The following CWH43 variants were observed in gnomAD, a reference collection of about 807,000 sequenced individuals.
CWH43 encodes cell wall biogenesis 43 C-terminal homolog.
CWH43 carries 91 observed loss-of-function variants against 85.7 expected under a neutral mutation model. The observed-to-expected ratio is 1.06, with a 90% confidence interval of 0.90 to 1.26. The LOEUF is 1.26. Among genes scored for constraint, CWH43 ranks in the 50% most tolerant of loss-of-function variants. CWH43 has a pLI of 0.00. For missense variants in CWH43, 869 were observed against 839.2 expected (o/e 1.04, Z -0.44); for synonymous variants, 323 against 293.6 (o/e 1.10, Z -1.02).
At chr4:49,048,850 CATT>C (rs1784710854) in intron 14 of CWH43, among the ~76,000 whole-genome samples, 1 of 152,130 alleles carries the variant, frequency 6.6e-6, no homozygotes, top group South Asian at 2.1e-4. Flanking sequence ...AAAATTCCCA[CATT>C]AATGAAGTTA....
chr4:49,028,188 T>C (rs182197627), intron 9 of CWH43, among the ~76,000 whole-genome samples: 2 of 152,226 alleles, frequency 1.3e-5, no homozygotes, highest in African/African-American at 2.4e-5. Context: ...ATCTGATGTA[T>C]CTATTTTGCA....
At chr4:49,049,787 A>G (rs1784739739) in intron 14 of CWH43, among the ~76,000 whole-genome samples, 1 of 152,152 alleles carries the variant, frequency 6.6e-6, no homozygotes, top group Non-Finnish European at 1.5e-5. Context: ...ACTTTATTGC[A>G]GAGGTATGCC....
rs1217542126 is a variant in CWH43, at chr4:49,017,253, G to A, written c.1191G>A (p.Leu397=). The change falls in exon 9 of 16, where the codon CTG becomes CTA. Residue 397 remains leucine, a synonymous_variant. Coordinates refer to ENST00000226432, the MANE Select transcript of CWH43 (RefSeq NM_025087.3). The part of the protein sequence containing the change: ...RKSEKYMKLF[L]WLLVGVGLLG... The stretch of plus-strand genomic sequence containing the variant: ...TTATTTCTTTTTTCTGTTTAGTTCT[G>A]TGGCTGCTTGTTGGTGTGGGATTGT... 1.2e-6 allele frequency: 2 copies of A among 1,609,826 alleles called. No individual in the cohort carries two copies. The highest frequency in any genetic ancestry group is 1.7e-6 in the Non-Finnish European group (2 of 1,177,938).
intron 8 of CWH43, among the ~76,000 whole-genome samples, chr4:49,015,276 T>G (rs1783510577): frequency 6.6e-6 from 1 of 151,958 alleles, no homozygotes; most frequent in Non-Finnish European, 1.5e-5. Context: ...TTTTTTTCCC[T>G]TATGCCCCTC....
In CWH43 at chr4:49,017,300, A is replaced by G; in HGVS notation, c.1238A>G (p.Lys413Arg). ...VGLLGLGLRH[K>R]AYERKLGKVA... ...TTGTTGGGATTAGGACTACGGCATA[A>G]AGCCTATGAGAGAAAACTGGGCAAA... Residue 413 changes from lysine to arginine, a missense_variant, in exon 9 of 16, where the codon AAA (lysine) becomes AGA (arginine). Lys to Arg is a conservative substitution (Grantham distance 26). This residue lies in a region of CWH43 where 577 missense variants were observed against 513.1 expected (regional missense o/e 1.12). Transcript: ENST00000226432. 1 of 1,612,242 alleles carries G rather than the reference A, an allele frequency of 6.2e-7. No individual in the cohort carries two copies.
At chr4:49,052,073 GA>G (rs887612016) in intron 15 of CWH43, among the ~76,000 whole-genome samples, 6 of 151,806 alleles carry the variant, frequency 4.0e-5, no homozygotes, top group Non-Finnish European at 8.8e-5. Context: ...TTTTTTGGGG[GA>G]AAAAAGAAAT....
intron 13 of CWH43, among the ~76,000 whole-genome samples, chr4:49,041,784 T>C (rs1356772653): frequency 2.0e-5 from 3 of 152,170 alleles, no homozygotes; most frequent in Non-Finnish European, 4.4e-5. Flanking sequence ...GTTAGCAGGA[T>C]AGAGGAAGGG....
chr4:49,054,172 T>C (rs2109845171), intron 15 of CWH43, among the ~76,000 whole-genome samples: 1 of 152,264 alleles, frequency 6.6e-6, no homozygotes, highest in African/African-American at 2.4e-5. Context: ...CTATTTTGAG[T>C]TGATTTTTGT....
chr4:49,009,308 T>A (rs1783273786), intron 8 of CWH43, among the ~76,000 whole-genome samples: 1 of 152,216 alleles, frequency 6.6e-6, no homozygotes, highest in Non-Finnish European at 1.5e-5. Context: ...ATGGTTGGGA[T>A]TTTTGCACAC....
intron 13 of CWH43, among the ~76,000 whole-genome samples, chr4:49,039,852 G>A (rs1185468070): frequency 1.3e-5 from 2 of 151,774 alleles, no homozygotes; most frequent in Middle Eastern, 3.4e-3. Flanking sequence ...CCATTAACTC[G>A]TCATTTAACA....
chr4:48,989,636 C>T (rs1329097990), intron 2 of CWH43, among the ~76,000 whole-genome samples: 2 of 152,148 alleles, frequency 1.3e-5, no homozygotes, highest in Non-Finnish European at 2.9e-5. Flanking sequence ...CTATGTTGCT[C>T]AGGCTGGTCT....
chr4:49,059,912 G>A (rs533901585), intron 15 of CWH43, among the ~76,000 whole-genome samples: 37 of 152,294 alleles, frequency 2.4e-4, no homozygotes, highest in Admixed American at 1.6e-3. Context: ...TGAACCTGGT[G>A]CCTGGATCCA....
intron 13 of CWH43, among the ~76,000 whole-genome samples, chr4:49,039,368 TGTATATATATAC>T (rs1325762707): frequency 3.5e-5 from 3 of 85,126 alleles, no homozygotes; most frequent in African/African-American, 1.0e-4. Flanking sequence ...TATATACTGA[TGTATATATATAC>T]TGATATATAT....
At chr4:48,991,757 G>C (rs1393720900) in intron 3 of CWH43, among the ~76,000 whole-genome samples, 179 bp from the exon 4 acceptor site, 1 of 152,018 alleles carries the variant, frequency 6.6e-6, no homozygotes, top group Non-Finnish European at 1.5e-5. Context: ...ATAAGGTTTT[G>C]AAAACTAAAG....
intron 2 of CWH43, among the ~76,000 whole-genome samples, chr4:48,988,913 GACACCTTAAAGA>G (rs1032500969): frequency 1.1e-4 from 16 of 152,284 alleles, no homozygotes; most frequent in African/African-American, 3.8e-4. Context: ...GTAGGGGAAA[GACACCTTAAAGA>G]ACTGATCAGC....
intron 9 of CWH43, among the ~76,000 whole-genome samples, chr4:49,022,883 C>A (rs1478205341): frequency 6.6e-6 from 1 of 151,974 alleles, no homozygotes; most frequent in Non-Finnish European, 1.5e-5. Flanking sequence ...TCTGTGGTAT[C>A]CGTTGTAGTA....
At chr4:48,989,394 C>A (rs755937423) in intron 2 of CWH43, among the ~76,000 whole-genome samples, 1 of 152,092 alleles carries the variant, frequency 6.6e-6, no homozygotes, top group Non-Finnish European at 1.5e-5. Context: ...ATTGGCACAA[C>A]CTCTATGAAG....
intron 9 of CWH43, among the ~76,000 whole-genome samples, chr4:49,019,442 C>T (rs1315198378): frequency 3.3e-5 from 5 of 152,028 alleles, no homozygotes; most frequent in African/African-American, 4.8e-5. Flanking sequence ...GGCTGAAGCT[C>T]GGTGAAGAGT....
chr4:49,024,643 A>G (rs544546879), intron 9 of CWH43, among the ~76,000 whole-genome samples: 2 of 152,248 alleles, frequency 1.3e-5, no homozygotes, highest in African/African-American at 4.8e-5. Flanking sequence ...TTCTTGGCTG[A>G]TAATTTTTTG....
Sources: allele counts gnomAD v4.1 joint callset (sites outside exome capture counted in the v4.1 genomes callset), GRCh38; gene constraint gnomAD v4.1.1; regional missense constraint gnomAD v4.1.1; transcripts MANE v1.5; gene names NCBI Gene and HGNC (gene_info 2026-07-23, HGNC 2026-07-21).